Variants in MICU3 observed in about 807,000 individuals in gnomAD.
MICU3 encodes the protein mitochondrial calcium uptake 3.
In MICU3, 62 loss-of-function variants were observed where a neutral mutation model predicts 66.5. The observed-to-expected ratio is 0.93, with a 90% CI of 0.76 to 1.15. The LOEUF (loss-of-function observed/expected upper bound fraction) is 1.15, where lower values mean the gene tolerates loss of function less well. Ranked by LOEUF, MICU3 falls within the 50% of genes most tolerant of loss-of-function variation. The probability of loss-of-function intolerance (pLI) is 0.00; values close to 1 mark genes in which losing one functional copy is unlikely to be tolerated. For missense variants in MICU3, 779 were observed against 664.4 expected (o/e 1.17, Z -1.90); for synonymous variants, 308 against 240.7 (o/e 1.28, Z -2.59).
chr8:17,049,855 A>G (rs1815762823), intron 1 of MICU3, among the ~76,000 whole-genome samples: 1 of 152,170 alleles, frequency 6.6e-6, no homozygotes, highest in African/African-American at 2.4e-5. Context: ...ATTTATCTAC[A>G]TCTTTACATA....
chr8:17,127,140 T>C (rs1009495488), downstream of MICU3, among the ~76,000 whole-genome samples: 2 of 152,186 alleles, frequency 1.3e-5, no homozygotes, highest in African/African-American at 2.4e-5. Flanking sequence ...ATATCATGCT[T>C]TTGCAAGCTC....
intron 11 of MICU3, 28 bp from the exon 12 acceptor site, chr8:17,114,065 T>G: frequency 6.9e-7 from 1 of 1,458,820 alleles, no homozygotes; most frequent in African/African-American, 1.4e-5. Context: ...CAATACTAAA[T>G]GTATTTTCAT....
chr8:17,032,829 C>T (rs1812323792), intron 1 of MICU3, among the ~76,000 whole-genome samples: 1 of 152,158 alleles, frequency 6.6e-6, no homozygotes, highest in African/African-American at 2.4e-5. Flanking sequence ...TATACGCGTA[C>T]TTAATGTTTC....
intron 1 of MICU3, among the ~76,000 whole-genome samples, chr8:17,051,273 A>G (rs1325552602): frequency 6.6e-6 from 1 of 152,202 alleles, no homozygotes; most frequent in Non-Finnish European, 1.5e-5. Flanking sequence ...TTTAACAATT[A>G]TAGTAAGCTT....
chr8:17,132,054 A>G, the MICU3 span: 1 of 152,150 alleles, frequency 6.6e-6, no homozygotes, highest in Non-Finnish European at 1.5e-5. Flanking sequence ...TGCAACAATC[A>G]TTGCATACAG....
chr8:17,110,647 C>T (rs148912332), intron 11 of MICU3, among the ~76,000 whole-genome samples: 589 of 152,128 alleles, frequency 3.9e-3, no homozygotes, highest in Middle Eastern at 0.01. Flanking sequence ...CACTGTAGCC[C>T]CGAACTCCTT....
intron 1 of MICU3, among the ~76,000 whole-genome samples, chr8:17,050,356 TA>T (rs1815856018): frequency 6.6e-6 from 1 of 151,796 alleles, no homozygotes; most frequent in African/African-American, 2.4e-5. Context: ...AATTTATACA[TA>T]TTGACACATG....
chr8:17,049,368 T>C (rs1228192574), intron 1 of MICU3, among the ~76,000 whole-genome samples: 1 of 152,170 alleles, frequency 6.6e-6, no homozygotes, highest in African/African-American at 2.4e-5. Flanking sequence ...ACTTTGTGCC[T>C]GGAGTTGAGT....
rs141795272 is a variant in MICU3, at chr8:17,061,555, C to T, written c.382-2529C>T. On this transcript the variant is annotated intron_variant, in intron 1 of 14. Transcript: ENST00000318063. ...CAAATATAGATGTTATAGGCAGAAA[C>T]TTGGGGTGCAGAATGGTAGATCGAG... Among the ~76,000 whole-genome samples the T allele has an allele frequency of 3.9e-5, 6 of 152,220 alleles. No individual in the cohort carries two copies. The East Asian group carries it at 1.2e-3, about 29-fold the overall frequency.
the MICU3 span, among the ~76,000 whole-genome samples, chr8:17,134,594 A>G: frequency 9.9e-5 from 15 of 152,174 alleles, no homozygotes; most frequent in Admixed American, 2.0e-4. Flanking sequence ...ACAGGTGCCC[A>G]CCACCACACC....
Position 17,027,329 on chromosome 8 carries a change from C to A in MICU3, c.50C>A (p.Pro17Gln). The A allele has an allele frequency of 6.5e-7, 1 of 1,532,394 alleles. No homozygotes were observed. Among genetic ancestry groups the A allele is most frequent in the Non-Finnish European group, 8.7e-7 (1 of 1,149,206 alleles). The allele number at this position is 1,532,394 out of a possible 1,614,324, so 94.9% of individuals were successfully genotyped here. Reference protein sequence around the residue: ...LLWPPPRVSPPLCAHQPLLGP... With the variant: ...LLWPPPRVSPQLCAHQPLLGP... ...TGGCCGCCACCCCGGGTGTCTCCTC[C>A]ACTCTGCGCTCACCAGCCCCTCCTT... is the stretch of plus-strand genomic sequence containing the variant. Residue 17 changes from proline to glutamine, a missense_variant, in exon 1 of 15, where the codon CCA becomes CAA. Pro to Gln is a moderately conservative substitution (Grantham distance 76, BLOSUM62 -1). Transcript: ENST00000318063.
chr8:17,100,061 G>A (rs1801124559), intron 9 of MICU3, among the ~76,000 whole-genome samples: 1 of 151,790 alleles, frequency 6.6e-6, no homozygotes. Flanking sequence ...TAGACTGGAG[G>A]AGCTGTGGGC....
chr8:17,036,135 T>G (rs1812937284), intron 1 of MICU3, among the ~76,000 whole-genome samples: 2 of 152,006 alleles, frequency 1.3e-5, no homozygotes, highest in Admixed American at 1.3e-4. Context: ...GTTTCTTCCT[T>G]CTGGTGGGTT....
At chr8:17,079,912 A>T (rs555510937) in intron 4 of MICU3, among the ~76,000 whole-genome samples, 1 of 152,276 alleles carries the variant, frequency 6.6e-6, no homozygotes, top group Non-Finnish European at 1.5e-5. Context: ...TATTGTAGAG[A>T]CTTAATTATA....
the MICU3 span, among the ~76,000 whole-genome samples, chr8:17,128,042 G>C: frequency 6.6e-6 from 1 of 152,116 alleles, no homozygotes; most frequent in African/African-American, 2.4e-5. Flanking sequence ...ACAGATGGTT[G>C]GAACTGGAAT....
At chr8:17,076,056 C>G (rs946862226) in intron 3 of MICU3, among the ~76,000 whole-genome samples, 3 of 152,044 alleles carry the variant, frequency 2.0e-5, no homozygotes, top group African/African-American at 7.2e-5. Context: ...AGACAGGTCT[C>G]ACTCTGTTTG....
Position 17,062,877 on chromosome 8 carries a change from T to TA in MICU3, c.382-1193dup, listed in dbSNP as rs748885756. 7.1e-3 allele frequency among the ~76,000 whole-genome samples: 953 copies of TA among 134,680 alleles called. 10 individuals are homozygous for TA. The highest frequency in any genetic ancestry group is 0.022 in the African/African-American group (810 of 36,684). 88.4% of individuals were successfully genotyped at this position (134,680 alleles called of 152,430 possible). On this transcript the variant is annotated intron_variant, in intron 1 of 14. Transcript: ENST00000318063. ...CTGGGTGACAGAGTGAGACTCTGTCTAAAAAAAAAAAAAAGAACTTATCCT... is the reference window on the plus strand; with the variant it reads ...CTGGGTGACAGAGTGAGACTCTGTCTAAAAAAAAAAAAAAAGAACTTATCCT...
the MICU3 span, among the ~76,000 whole-genome samples, chr8:17,130,264 C>T: frequency 6.6e-6 from 1 of 152,168 alleles, no homozygotes; most frequent in East Asian, 1.9e-4. Context: ...GTGGCTCACA[C>T]CTGTAATCCC....
intron 5 of MICU3, among the ~76,000 whole-genome samples, chr8:17,084,460 G>T (rs902008414): frequency 6.6e-6 from 1 of 151,744 alleles, no homozygotes; most frequent in African/African-American, 2.4e-5. Flanking sequence ...ATGTATCTGT[G>T]GGGGGTCCCT....
Sources: allele counts gnomAD v4.1 joint callset (sites outside exome capture counted in the v4.1 genomes callset), GRCh38; gene constraint gnomAD v4.1.1; transcripts MANE v1.5; gene names NCBI Gene and HGNC (gene_info 2026-07-23, HGNC 2026-07-21).